TMTC1: variants seen among roughly 807,000 people sequenced by gnomAD.
TMTC1 encodes the protein transmembrane O-mannosyltransferase targeting cadherins 1, also known as protein O-mannosyl-transferase TMTC1.
Under a neutral mutation model 104.8 loss-of-function variants are expected in TMTC1, and 73 were observed. The ratio of observed to expected loss-of-function variants is 0.70; its 90% CI spans 0.58 to 0.85. TMTC1 has a LOEUF of 0.85. TMTC1 is among the 40% of genes least tolerant of loss of function. TMTC1 has a pLI of 0.00. For synonymous variants in TMTC1, 434 were observed against 428.7 expected (o/e 1.01, Z -0.15); for missense variants, 1,035 against 1,096.1 (o/e 0.94, Z 0.79).
intron 5 of TMTC1, among the ~76,000 whole-genome samples, chr12:29,691,510 T>C (rs2136757640): frequency 6.8e-6 from 1 of 146,750 alleles, no homozygotes; most frequent in South Asian, 2.2e-4. Context: ...AATTCCCCTG[T>C]CTTGATAAAT....
At chr12:29,518,633 A>G in intron 12 of TMTC1, 26 bp from the exon 13 acceptor site, 1 of 1,611,894 alleles carries the variant, frequency 6.2e-7, no homozygotes, top group Non-Finnish European at 8.5e-7. Flanking sequence ...GGTTGGTAAG[A>G]GCAGAACATG....
rs756620431 is a variant in TMTC1, at chr12:29,512,088, G to A, written c.2463C>T (p.Asp821=). ...SYRVAVQLNP[D]QAQAWMNMGG... is the part of the protein sequence containing the mutation. ...CCATGTTCATCCAGGCCTGTGCTTG[G>A]TCTGGGTTTAGTTGCACAGCCACTC... is the stretch of plus-strand genomic sequence containing the variant. The change falls in exon 17 of 18, where the codon GAC becomes GAT. Residue 821 remains aspartate (D), a synonymous_variant. Transcript: ENST00000539277. The A allele has an allele frequency of 2.4e-5, 39 of 1,614,010 alleles. No homozygotes were observed. The Middle Eastern group carries it at 6.6e-4, about 27-fold the overall frequency.
intron 2 of TMTC1, among the ~76,000 whole-genome samples, chr12:29,767,340 G>T (rs758987495): frequency 2.0e-5 from 3 of 152,170 alleles, no homozygotes; most frequent in Non-Finnish European, 2.9e-5. Flanking sequence ...AGGCTCCTAA[G>T]TCTGTCTTTC....
intron 6 of TMTC1, among the ~76,000 whole-genome samples, chr12:29,625,469 C>T (rs1476256745): frequency 1.3e-5 from 2 of 152,182 alleles, no homozygotes; most frequent in East Asian, 3.9e-4. Flanking sequence ...AAGAAGAAAA[C>T]CTGGAGAGTG....
At chr12:29,633,101 T>C in intron 6 of TMTC1, 46 bp downstream of exon 6, 3 of 1,546,134 alleles carry the variant, frequency 1.9e-6, no homozygotes, top group South Asian at 2.3e-5. Flanking sequence ...AGGCATAGAA[T>C]ATCTGTCTTC....
intron 6 of TMTC1, among the ~76,000 whole-genome samples, chr12:29,625,497 C>A (rs143459832): frequency 2.0e-4 from 31 of 152,186 alleles, no homozygotes; most frequent in African/African-American, 7.0e-4. Flanking sequence ...CCAAGAATTG[C>A]CAGAGGCTCT....
In TMTC1 at chr12:29,783,843, AG is replaced by A; in HGVS notation, c.-93del. 2.9e-6 allele frequency: 3 copies of A among 1,047,996 alleles called. No homozygotes were observed. Among genetic ancestry groups the A allele is most frequent in the Non-Finnish European group, 3.5e-6 (3 of 869,506 alleles). The allele number at this position is 1,047,996 out of a possible 1,614,324, so 64.9% of individuals were successfully genotyped here. ...CCGGCGGCGCGCGGCGTCTGCCCGGAGGGGGGCTCGGGCATGGTGCTGCGGC... is the reference window on the plus strand; with the variant it reads ...CCGGCGGCGCGCGGCGTCTGCCCGGAGGGGGCTCGGGCATGGTGCTGCGGC... On this transcript the variant is annotated 5_prime_UTR_variant, in exon 1 of 18. An upstream open reading frame in the 5' UTR gains an earlier in-frame stop. Coordinates refer to ENST00000539277, the MANE Select transcript of TMTC1 (RefSeq NM_001193451.2). This position sits in a 1 kb window ranked among gnomAD's most constrained non-coding sequence, Gnocchi z 4.7.
At chr12:29,710,346 C>G (rs1408309217) in intron 5 of TMTC1, among the ~76,000 whole-genome samples, 2 of 151,984 alleles carry the variant, frequency 1.3e-5, no homozygotes, top group Non-Finnish European at 2.9e-5. Flanking sequence ...CTGCAGGCTG[C>G]TCTTTCCTTG....
intron 5 of TMTC1, among the ~76,000 whole-genome samples, chr12:29,719,606 G>C (rs1379722110): frequency 1.3e-5 from 2 of 152,196 alleles, no homozygotes; most frequent in Non-Finnish European, 2.9e-5. Context: ...GCTTTATGCA[G>C]TGAGACAGGA....
intron 6 of TMTC1, among the ~76,000 whole-genome samples, chr12:29,617,662 A>G (rs1243369075): frequency 7.9e-5 from 12 of 152,192 alleles, no homozygotes; most frequent in Admixed American, 7.9e-4. Context: ...TAATACACAG[A>G]TTAAGGTGGA....
At chr12:29,541,168 C>T (rs775867979) in intron 10 of TMTC1, among the ~76,000 whole-genome samples, 28 of 152,116 alleles carry the variant, frequency 1.8e-4, no homozygotes, top group Non-Finnish European at 3.2e-4. Flanking sequence ...GTATTATAGA[C>T]GTGATCCTAA....
Position 29,583,593 on chromosome 12 carries a change from G to T in TMTC1, c.1251-19C>A. The T allele has an allele frequency of 6.2e-7, 1 of 1,606,564 alleles. No homozygotes were observed. The highest frequency in any genetic ancestry group is 8.5e-7 in the Non-Finnish European group (1 of 1,176,256). On this transcript the variant is annotated intron_variant, in intron 7 of 17. Coordinates refer to ENST00000539277, the MANE Select transcript of TMTC1 (RefSeq NM_001193451.2). ...GCCCATGCTGGAAAACAGGGTGGAA[G>T]GAACGGGATTACTTTGGGGGTGCAA...
At chr12:29,781,173 A>T (rs1474530934) in intron 1 of TMTC1, among the ~76,000 whole-genome samples, 2 of 152,054 alleles carry the variant, frequency 1.3e-5, no homozygotes, top group Non-Finnish European at 2.9e-5. Flanking sequence ...AAATCAATGC[A>T]TGTGAGGACA....
chr12:29,632,516 T>C (rs1938350514), intron 6 of TMTC1, among the ~76,000 whole-genome samples: 1 of 152,182 alleles, frequency 6.6e-6, no homozygotes, highest in African/African-American at 2.4e-5. Context: ...CATTATTCTC[T>C]TTCCTGCCAC....
At chr12:29,695,829 A>ATATATATATATATATATATATATAT (rs71045829) in intron 5 of TMTC1, among the ~76,000 whole-genome samples, 25 of 137,004 alleles carry the variant, frequency 1.8e-4, no homozygotes, top group Non-Finnish European at 3.2e-4. Flanking sequence ...ATATATATAT[A>ATATATATATATATATATATATATAT]ACCTGTCTTC....
chr12:29,689,166 G>A (rs901625833), intron 5 of TMTC1, among the ~76,000 whole-genome samples: 1 of 152,066 alleles, frequency 6.6e-6, no homozygotes, highest in African/African-American at 2.4e-5. Context: ...AAAGAACTAG[G>A]CAACTTTGTA....
chr12:29,625,201 A>G (rs1937914798), intron 6 of TMTC1, among the ~76,000 whole-genome samples: 1 of 152,216 alleles, frequency 6.6e-6, no homozygotes, highest in Admixed American at 6.5e-5. Context: ...CAATGTCCAT[A>G]AAGCATGACC....
chr12:29,550,128 G>A (rs1373015348), intron 10 of TMTC1, among the ~76,000 whole-genome samples: 1 of 151,840 alleles, frequency 6.6e-6, no homozygotes, highest in Non-Finnish European at 1.5e-5. Flanking sequence ...ATCTAAAAAA[G>A]CTCCTTAAAA....
chr12:29,664,996 T>C (rs1940218247), intron 5 of TMTC1, among the ~76,000 whole-genome samples: 1 of 152,154 alleles, frequency 6.6e-6, no homozygotes, highest in African/African-American at 2.4e-5. Context: ...GTAAAATAAA[T>C]CTACCTGAGC....
Sources: gnomAD v4.1 joint callset for allele counts (sites outside exome capture counted in the v4.1 genomes callset) on GRCh38, gnomAD v4.1.1 for gene constraint, Gnocchi (gnomAD v3.1) non-coding constraint, MANE v1.5 for transcripts, NCBI Gene and HGNC (gene_info 2026-07-23, HGNC 2026-07-21) for gene names.